Variants in PCNT observed in about 807,000 individuals in gnomAD.
PCNT encodes kendrin.
PCNT carries 319 observed loss-of-function variants against 380.4 expected under a neutral mutation model. The observed-to-expected ratio is 0.84, with a 90% CI of 0.77 to 0.92. The LOEUF (loss-of-function observed/expected upper bound fraction) is 0.92. PCNT is among the 40% of genes least tolerant of loss of function. PCNT has a pLI of 0.00. For synonymous variants in PCNT, 1,845 were observed against 1,735.2 expected (o/e 1.06, Z -1.57); for missense variants, 4,400 against 4,255.3 (o/e 1.03, Z -0.95).
chr21:46,425,940 A>T lies in PCNT; in HGVS notation c.7289A>T (p.Gln2430Leu). 1 of 1,614,108 alleles carries T rather than the reference A, an allele frequency of 6.2e-7. No homozygotes were observed. The highest frequency in any genetic ancestry group is 8.5e-7 in the Non-Finnish European group (1 of 1,180,026). Residue 2430 changes from glutamine (Q) to leucine (L), a missense_variant, in exon 33 of 47, where the codon CAG (glutamine) becomes CTG (leucine). By Grantham distance (113) the Gln-to-Leu change is moderately radical. Transcript: ENST00000359568. This position sits in a 1 kb window ranked among gnomAD's most constrained non-coding sequence, Gnocchi z 4.2. Reference sequence around the variant, plus strand: ...CCACCCCGGAAGGAAGACGAGATACAGGACATCTCGCTCCATGGGGGAAAG... The same window carrying T: ...CCACCCCGGAAGGAAGACGAGATACTGGACATCTCGCTCCATGGGGGAAAG... ...PHPPRKEDEI[Q>L]DISLHGGKTQ...
intron 36 of PCNT, 70 bp from the exon 37 acceptor site, chr21:46,430,437 T>G: frequency 6.5e-7 from 1 of 1,532,972 alleles, no homozygotes; most frequent in Non-Finnish European, 8.8e-7. Flanking sequence ...CCTCCCCTCC[T>G]GGAGCTCCCA....
intron 14 of PCNT, among the ~76,000 whole-genome samples, chr21:46,364,301 C>G (rs796340003): frequency 4.0e-5 from 6 of 151,682 alleles, no homozygotes; most frequent in African/African-American, 1.5e-4. Context: ...ATGGGGACAG[C>G]TTTGTGCTTG....
At chr21:46,403,456 C>T (rs2086505497) in intron 27 of PCNT, among the ~76,000 whole-genome samples, 1 of 139,020 alleles carries the variant, frequency 7.2e-6, no homozygotes, top group Non-Finnish European at 1.5e-5. Flanking sequence ...GTGTGGTGCC[C>T]ACGCGGCACG....
chr21:46,409,654 C>T (rs1385085990), intron 27 of PCNT, among the ~76,000 whole-genome samples: 1 of 152,208 alleles, frequency 6.6e-6, no homozygotes, highest in Non-Finnish European at 1.5e-5. Flanking sequence ...GGCTGCGGTG[C>T]AGTGGCGCAG....
chr21:46,347,375 G>A (rs2084107386), intron 5 of PCNT, 82 bp from the exon 6 acceptor site: 2 of 1,398,984 alleles, frequency 1.4e-6, no homozygotes, highest in African/African-American at 2.8e-5. Context: ...GTGGGTGCCA[G>A]AGCCTGGTCG....
At position 46,431,560 on chromosome 21, in the gene PCNT, C is replaced by G. The variant is rs767727696; in HGVS notation, c.8096C>G (p.Ala2699Gly). The change falls in exon 38 of 47, where the codon GCT (alanine) becomes GGT (glycine). Residue 2699 changes from alanine (A) to glycine (G), a missense_variant. By Grantham distance (60) the Ala-to-Gly change is moderately conservative (BLOSUM62 0). Transcript: ENST00000359568. Reference sequence around the variant, plus strand: ...CGGGCGTCTTTGGAGACACAGCGTGCTCAGAGCAGTCGACTCTGCGTGGCA... The same window carrying G: ...CGGGCGTCTTTGGAGACACAGCGTGGTCAGAGCAGTCGACTCTGCGTGGCA... ...ELRASLETQR[A>G]QSSRLCVALK... 5 of 1,613,952 alleles carry G rather than the reference C, an allele frequency of 3.1e-6. No individual in the cohort carries two copies. In the African/African-American group the frequency reaches 6.7e-5, roughly 22 times the overall value.
chr21:46,427,265 A>G (rs1295894527), intron 33 of PCNT, among the ~76,000 whole-genome samples: 1 of 152,182 alleles, frequency 6.6e-6, no homozygotes, highest in Non-Finnish European at 1.5e-5. Flanking sequence ...CTCTTCTGTC[A>G]GGGTCATTTC....
chr21:46,442,565 C>G lies in PCNT; in HGVS notation c.9692C>G (p.Pro3231Arg). 1 of 1,607,188 alleles carries G rather than the reference C, an allele frequency of 6.2e-7. No homozygotes were observed. The highest frequency in any genetic ancestry group is 8.5e-7 in the Non-Finnish European group (1 of 1,173,810). Reference sequence around the variant, plus strand: ...GGAGCTCTGGCACAAGGCAAAGCCCCTCGCCCAGGTGGGACTCCAGCTGCT... The same window carrying G: ...GGAGCTCTGGCACAAGGCAAAGCCCGTCGCCCAGGTGGGACTCCAGCTGCT... ...RKGALAQGKA[P>R]RPGPRARQPQ... The change falls in exon 44 of 47, where the codon CCT becomes CGT. Residue 3231 changes from proline to arginine, a missense_variant. Coordinates refer to ENST00000359568, the MANE Select transcript of PCNT (RefSeq NM_006031.6).
chr21:46,431,700 G>A lies in PCNT; in HGVS notation c.8236G>A (p.Asp2746Asn). Reference protein sequence around the residue: ...ERSQLSELQKDLAAEKSRTLE... With the variant: ...ERSQLSELQKNLAAEKSRTLE... ...GAGCCAGCTCTCTGAGCTCCAGAAG[G>A]ACCTTGCGGCTGAGAAGAGCCGCAC... Residue 2746 changes from aspartate to asparagine, a missense_variant, in exon 38 of 47, where the codon GAC becomes AAC. Coordinates refer to ENST00000359568, the MANE Select transcript of PCNT (RefSeq NM_006031.6). 1 of 1,612,512 alleles carries A rather than the reference G, an allele frequency of 6.2e-7. No homozygotes were observed. The highest frequency in any genetic ancestry group is 1.3e-5 in the African/African-American group (1 of 75,060).
At chr21:46,362,939 C>T (rs2084770941) in intron 13 of PCNT, among the ~76,000 whole-genome samples, 1 of 152,180 alleles carries the variant, frequency 6.6e-6, no homozygotes, top group Non-Finnish European at 1.5e-5. Flanking sequence ...GATCCCTTTA[C>T]AGTGTGCCTT....
At chr21:46,389,024 C>T (rs1224391359) in intron 18 of PCNT, 140 bp downstream of exon 18, 12 of 1,399,954 alleles carry the variant, frequency 8.6e-6, no homozygotes, top group Non-Finnish European at 2.0e-6. Flanking sequence ...TCCGCACTTA[C>T]AGAAGGCCGA....
At chr21:46,342,982 G>T (rs758129402) in intron 3 of PCNT, among the ~76,000 whole-genome samples, 1 of 152,128 alleles carries the variant, frequency 6.6e-6, no homozygotes, top group Non-Finnish European at 1.5e-5. Context: ...CACTTTTGGG[G>T]TATAGCAGTG....
intron 8 of PCNT, among the ~76,000 whole-genome samples, chr21:46,350,687 G>A (rs1304399271): frequency 5.3e-5 from 8 of 152,154 alleles, no homozygotes; most frequent in South Asian, 2.1e-4. Flanking sequence ...TCTCCCAGCG[G>A]GACTCTGGTG....
At position 46,445,291 on chromosome 21, in the gene PCNT, T is replaced by C. The variant is rs896421324; in HGVS notation, c.9975T>C (p.Thr3325=). The C allele has an allele frequency of 1.9e-6, 3 of 1,607,940 alleles. No homozygotes were observed. The African/African-American group carries it at 4.0e-5, about 21-fold the overall frequency. Residue 3325 remains threonine (T), a synonymous_variant, in exon 47 of 47, where the codon ACT becomes ACC. Coordinates refer to ENST00000359568, the MANE Select transcript of PCNT (RefSeq NM_006031.6). ...QRLGGVLPDS[T]SKKSCHPMIK... Reference sequence around the variant, plus strand: ...ATTTTTATTTATATGCAGATTCTACTTCAAAGAAATCCTGCCACCCGATGA... The same window carrying C: ...ATTTTTATTTATATGCAGATTCTACCTCAAAGAAATCCTGCCACCCGATGA...
At chr21:46,370,757 C>T (rs111338615) in intron 15 of PCNT, among the ~76,000 whole-genome samples, 3,953 of 152,196 alleles carry the variant, frequency 0.026, 146 homozygotes, top group African/African-American at 0.08. Context: ...AAAAATCGGC[C>T]GGGCGCGGTG....
At chr21:46,427,547 T>G (rs1347178034) in intron 33 of PCNT, 75 bp from the exon 34 acceptor site, 15 of 1,574,420 alleles carry the variant, frequency 9.5e-6, no homozygotes, top group Non-Finnish European at 1.3e-5. Context: ...CCAAACGCAG[T>G]CACACTGCGA....
At chr21:46,406,353 G>A (rs992912013) in intron 27 of PCNT, among the ~76,000 whole-genome samples, 5 of 152,144 alleles carry the variant, frequency 3.3e-5, no homozygotes, top group Admixed American at 6.6e-5. Context: ...GAGGTCTCAC[G>A]TCTTTTGTTA....
chr21:46,324,677 C>G (rs2083303264), intron 1 of PCNT, among the ~76,000 whole-genome samples: 1 of 151,818 alleles, frequency 6.6e-6, no homozygotes, highest in African/African-American at 2.4e-5. Context: ...GCGGCAGGCG[C>G]TGGACCCCAG....
intron 1 of PCNT, among the ~76,000 whole-genome samples, chr21:46,324,707 C>A (rs983002586): frequency 3.3e-5 from 5 of 151,992 alleles, no homozygotes; most frequent in Admixed American, 2.6e-4. Context: ...TCCAGTGGCT[C>A]CCGCGTCCTC....
Sources: gnomAD v4.1 joint callset for allele counts (sites outside exome capture counted in the v4.1 genomes callset) on GRCh38, gnomAD v4.1.1 for gene constraint, Gnocchi (gnomAD v3.1) non-coding constraint, MANE v1.5 for transcripts, NCBI Gene and HGNC (gene_info 2026-07-23, HGNC 2026-07-21) for gene names.